Variants in MRTFA observed in about 807,000 individuals in gnomAD.
MRTFA encodes myocardin-related transcription factor A.
Under a neutral mutation model 83.5 loss-of-function variants are expected in MRTFA, and 20 were observed. The observed-to-expected ratio is 0.24, with a 90% CI of 0.17 to 0.35. The LOEUF is 0.35. Among genes scored for constraint, MRTFA ranks in the 10% least tolerant of loss-of-function variants. MRTFA has a pLI of 1.00. For missense variants in MRTFA, 1,200 were observed against 1,224.7 expected, an observed-to-expected ratio of 0.98 and a Z score of 0.30; for synonymous variants, 659 against 541.2, an observed-to-expected ratio of 1.22 and a Z score of -3.02.
chr22:40,455,364 C>T (rs1393075992), intron 4 of MRTFA, among the ~76,000 whole-genome samples: 1 of 151,076 alleles, frequency 6.6e-6, no homozygotes, highest in Non-Finnish European at 1.5e-5. Context: ...GATCCCATGG[C>T]GGCCGGGTGC....
At chr22:40,412,092 A>C in intron 14 of MRTFA, 185 bp from the exon 15 acceptor site, 1 of 462,560 alleles carries the variant, frequency 2.2e-6, no homozygotes, top group Non-Finnish European at 3.5e-6. Context: ...CACATATTTG[A>C]TAAAGAAGTG....
intron 2 of MRTFA, among the ~76,000 whole-genome samples, chr22:40,553,501 G>A (rs2055474408): frequency 6.6e-6 from 1 of 152,152 alleles, no homozygotes; most frequent in South Asian, 2.1e-4. Context: ...TCAGGCTGAG[G>A]CTTCGAAGCG....
chr22:40,418,862 T>A lies in MRTFA; in HGVS notation c.1876A>T (p.Met626Leu). The A allele has an allele frequency of 6.2e-7, 1 of 1,612,432 alleles. No homozygotes were observed. Among genetic ancestry groups the A allele is most frequent in the Middle Eastern group, 1.7e-4 (1 of 6,058 alleles). Residue 626 changes from methionine to leucine, a missense_variant, in exon 12 of 15, where the codon ATG becomes TTG. Physicochemically the swap from Met to Leu is conservative, Grantham distance 15 (BLOSUM62 2). Coordinates refer to ENST00000355630, the MANE Select transcript of MRTFA (RefSeq NM_020831.6). ...ATCTGCTTGTCTTTCTCCTGCAGCATCTGGTCCTTGTCGCGCCCCTCTAGC... is the reference window on the plus strand; with the variant it reads ...ATCTGCTTGTCTTTCTCCTGCAGCAACTGGTCCTTGTCGCGCCCCTCTAGC...
Position 40,411,813 on chromosome 22 carries a change from T to G in MRTFA, c.2673A>C (p.Pro891=). 1 of 1,520,118 alleles carries G rather than the reference T, an allele frequency of 6.6e-7. No individual in the cohort carries two copies. The highest frequency in any genetic ancestry group is 8.8e-7 in the Non-Finnish European group (1 of 1,130,272). 94.2% of individuals were successfully genotyped at this position (1,520,118 alleles called of 1,614,324 possible). Residue 891 remains proline (P), a synonymous_variant, in exon 15 of 15, where the codon CCA becomes CCC. Transcript: ENST00000355630. Reference sequence around the variant, plus strand: ...CCTGGGGGAGCTCAGCAGAAGGTGATGGCTGTGCTGCCAGGGGGGACCCAC... The same window carrying G: ...CCTGGGGGAGCTCAGCAGAAGGTGAGGGCTGTGCTGCCAGGGGGGACCCAC...
intron 2 of MRTFA, among the ~76,000 whole-genome samples, chr22:40,581,184 C>CT (rs2055941591): frequency 6.6e-6 from 1 of 152,072 alleles, no homozygotes. Context: ...CTGATTTGTC[C>CT]ATTCTGACTG....
chr22:40,516,876 G>T lies in MRTFA; in HGVS notation c.241+35230C>A, dbSNP rs569790685. Among the ~76,000 whole-genome samples the T allele has an allele frequency of 2.0e-4, 31 of 152,148 alleles. No homozygotes were observed. In the South Asian group the frequency reaches 6.4e-3, roughly 32 times the overall value. On this transcript the variant is annotated intron_variant, in intron 3 of 14. Coordinates refer to ENST00000355630, the MANE Select transcript of MRTFA (RefSeq NM_020831.6). ...TCAAATTTATTTTTTAAAAAAGAAGGCCATTCCTATGCAGAAAGAAGGTCT... is the reference window on the plus strand; with the variant it reads ...TCAAATTTATTTTTTAAAAAAGAAGTCCATTCCTATGCAGAAAGAAGGTCT...
Position 40,502,136 on chromosome 22 carries a change from G to T in MRTFA, c.242-38850C>A, listed in dbSNP as rs1211205970. 4.0e-3 allele frequency among the ~76,000 whole-genome samples: 573 copies of T among 143,412 alleles called. 1 individual carries two copies. Among genetic ancestry groups the T allele is most frequent in the Middle Eastern group, 0.031 (7 of 224 alleles). 94.1% of individuals were successfully genotyped at this position (143,412 alleles called of 152,430 possible). On this transcript the variant is annotated intron_variant, in intron 3 of 14. Transcript: ENST00000355630. ...AGAGGCGCCCCTCACCTCCCGGACG[G>T]GGCGGCTGGCCGGGCGGGGGGCTGA... is the stretch of plus-strand genomic sequence containing the variant.
rs189655336 is a variant in MRTFA, at chr22:40,532,352, C to T, written c.241+19754G>A. On this transcript the variant is annotated intron_variant, in intron 3 of 14. Coordinates refer to ENST00000355630, the MANE Select transcript of MRTFA (RefSeq NM_020831.6). Reference sequence around the variant, plus strand: ...AAGATAAAACAGGCACTTGCCCACACATAGCAGAGAACTGGAATAGACAGG... The same window carrying T: ...AAGATAAAACAGGCACTTGCCCACATATAGCAGAGAACTGGAATAGACAGG... Among the ~76,000 whole-genome samples the T allele has an allele frequency of 8.9e-4, 135 of 152,270 alleles. 1 individual carries two copies. In the Middle Eastern group the frequency reaches 0.02, roughly 23 times the overall value.
intron 4 of MRTFA, among the ~76,000 whole-genome samples, chr22:40,452,351 T>G (rs1179986196): frequency 6.6e-6 from 1 of 152,174 alleles, no homozygotes; most frequent in Non-Finnish European, 1.5e-5. Flanking sequence ...GTGATTAAGA[T>G]GTGTATTGTT....
chr22:40,475,276 G>A (rs184576043), intron 3 of MRTFA, among the ~76,000 whole-genome samples: 15 of 152,094 alleles, frequency 9.9e-5, no homozygotes, highest in African/African-American at 3.4e-4. Context: ...GGTGGTTCAC[G>A]TCTGTAATCT....
At chr22:40,569,516 G>A (rs2055754207) in intron 2 of MRTFA, 1 of 153,738 alleles carries the variant, frequency 6.5e-6, no homozygotes, top group Non-Finnish European at 1.5e-5. Flanking sequence ...TTAAGGTCAG[G>A]AGTTCGAGAC....
intron 1 of MRTFA, among the ~76,000 whole-genome samples, chr22:40,602,636 C>A (rs2056273532): frequency 6.8e-6 from 1 of 147,666 alleles, no homozygotes; most frequent in South Asian, 2.1e-4. Flanking sequence ...GTCAAGAGTT[C>A]AAGACCAGCC....
chr22:40,491,691 C>A (rs2054275344), intron 3 of MRTFA, among the ~76,000 whole-genome samples: 1 of 152,028 alleles, frequency 6.6e-6, no homozygotes, highest in African/African-American at 2.4e-5. Context: ...TTTTTTCTTC[C>A]CTTATTCCAC....
chr22:40,463,831 G>A (rs2053761259), intron 3 of MRTFA, among the ~76,000 whole-genome samples: 1 of 152,068 alleles, frequency 6.6e-6, no homozygotes, highest in East Asian at 1.9e-4. Context: ...CCGTTAATAT[G>A]CCTCTGTTTT....
intron 2 of MRTFA, among the ~76,000 whole-genome samples, chr22:40,576,360 T>C (rs1025729540): frequency 6.6e-6 from 1 of 152,208 alleles, no homozygotes; most frequent in African/African-American, 2.4e-5. Context: ...AAGTTATTCA[T>C]CTCAGTATAT....
chr22:40,432,400 C>T (rs1043904254), intron 5 of MRTFA, among the ~76,000 whole-genome samples: 9 of 152,080 alleles, frequency 5.9e-5, no homozygotes, highest in African/African-American at 2.2e-4. Flanking sequence ...CCTCAAAGTC[C>T]AATGTCCTAA....
chr22:40,582,855 G>A (rs1234807447), intron 2 of MRTFA, among the ~76,000 whole-genome samples: 1 of 152,134 alleles, frequency 6.6e-6, no homozygotes. Context: ...TATAGAAACA[G>A]AGTATGCACA....
At chr22:40,502,124 A>C (rs1401684823) in intron 3 of MRTFA, among the ~76,000 whole-genome samples, 18 of 92,592 alleles carry the variant, frequency 1.9e-4, no homozygotes, top group Admixed American at 4.4e-4. Flanking sequence ...GGCGCCCCTC[A>C]CCTCCCGGAC....
rs867674599 is a variant in MRTFA at position 40,489,558 on chromosome 22, C to A, written c.242-26272G>T. ...GAAATGCTGGGCTAAAGTGACCCTCCCAGACTCAGCCTCCCCAAGTGTTGG... is the reference window on the plus strand; with the variant it reads ...GAAATGCTGGGCTAAAGTGACCCTCACAGACTCAGCCTCCCCAAGTGTTGG... On this transcript the variant is annotated intron_variant, in intron 3 of 14. Coordinates refer to ENST00000355630, the MANE Select transcript of MRTFA (RefSeq NM_020831.6). 6.6e-5 allele frequency among the ~76,000 whole-genome samples: 10 copies of A among 152,134 alleles called. No individual in the cohort carries two copies. The South Asian group carries it at 8.3e-4, about 13-fold the overall frequency.
Sources: gnomAD v4.1 joint callset for allele counts (sites outside exome capture counted in the v4.1 genomes callset) on GRCh38, gnomAD v4.1.1 for gene constraint, MANE v1.5 for transcripts, NCBI Gene and HGNC (gene_info 2026-07-23, HGNC 2026-07-21) for gene names.